The following SEPTIN11 variants were observed in gnomAD, a reference collection of about 807,000 sequenced individuals.
SEPTIN11 encodes septin-11.
Under a neutral mutation model 51.4 loss-of-function variants are expected in SEPTIN11, and 25 were observed. That is an observed-to-expected ratio of 0.49 (90% CI 0.35 to 0.68). SEPTIN11 has a LOEUF of 0.68. SEPTIN11 is among the 30% of genes least tolerant of loss of function. SEPTIN11 has a pLI of 0.00. For missense variants in SEPTIN11, 381 were observed against 520.8 expected, an observed-to-expected ratio of 0.73 and a Z score of 2.61; for synonymous variants, 174 against 184.1, an observed-to-expected ratio of 0.95 and a Z score of 0.44.
chr4:76,964,547 C>T (rs888139008), intron 1 of SEPTIN11, among the ~76,000 whole-genome samples: 4 of 152,164 alleles, frequency 2.6e-5, no homozygotes, highest in Admixed American at 2.0e-4. Flanking sequence ...GATCTTCAAA[C>T]GTATCTGTGA....
chr4:76,957,105 TC>T (rs1721597620), intron 1 of SEPTIN11, among the ~76,000 whole-genome samples: 1 of 151,894 alleles, frequency 6.6e-6, no homozygotes, highest in Non-Finnish European at 1.5e-5. Context: ...TCCAGGGACA[TC>T]ACCATCAAGT....
downstream of SEPTIN11, chr4:77,040,144 C>T (rs1052314602): frequency 6.6e-6 from 1 of 152,098 alleles, no homozygotes; most frequent in Admixed American, 6.5e-5. Flanking sequence ...TTTAAAGATA[C>T]CTTAAAATAA....
At chr4:77,019,978 A>C (rs1298572111) in intron 6 of SEPTIN11, among the ~76,000 whole-genome samples, 1 of 152,182 alleles carries the variant, frequency 6.6e-6, no homozygotes, top group Non-Finnish European at 1.5e-5. Flanking sequence ...ACTCTTACTA[A>C]TTTCTCTACA....
At chr4:76,969,760 A>G (rs1722167545) in intron 1 of SEPTIN11, among the ~76,000 whole-genome samples, 1 of 152,188 alleles carries the variant, frequency 6.6e-6, no homozygotes, top group Admixed American at 6.5e-5. Context: ...ATTTTTCTCT[A>G]CTACTTTAAA....
At chr4:77,009,822 A>C (rs1455141713) in intron 3 of SEPTIN11, 2 of 152,188 alleles carry the variant, frequency 1.3e-5, no homozygotes, top group African/African-American at 4.8e-5. Flanking sequence ...CTGCTGGGGA[A>C]GAGCCCTAAT....
chr4:77,003,085 C>G (rs1724231939), intron 2 of SEPTIN11, among the ~76,000 whole-genome samples: 1 of 152,178 alleles, frequency 6.6e-6, no homozygotes, highest in Non-Finnish European at 1.5e-5. Flanking sequence ...ATGGTTTCTG[C>G]TTACTTACCT....
At chr4:76,965,230 C>T (rs1243876245) in intron 1 of SEPTIN11, among the ~76,000 whole-genome samples, 3 of 152,096 alleles carry the variant, frequency 2.0e-5, no homozygotes, top group African/African-American at 4.8e-5. Context: ...GCAGGCGGAT[C>T]ACCTGAGGTC....
In SEPTIN11 at chr4:77,016,633, C is replaced by CATATATATATATAT. The variant is rs1234653472; in HGVS notation, c.687+1626_687+1639dup. On this transcript the variant is annotated intron_variant, in intron 5 of 9. Transcript: ENST00000264893. ...ATATACACATATATATATATATACA[C>CATATATATATATAT]ATATATATATATATATATATATACA... Among the ~76,000 whole-genome samples the CATATATATATATAT allele has an allele frequency of 5.5e-3, 397 of 72,688 alleles. 18 individuals carry two copies. Among genetic ancestry groups the CATATATATATATAT allele is most frequent in the Non-Finnish European group, 7.0e-3 (259 of 36,988 alleles). The allele number at this position is 72,688 out of a possible 152,430, so 47.7% of individuals were successfully genotyped here.
intron 3 of SEPTIN11, among the ~76,000 whole-genome samples, chr4:77,007,829 TC>T (rs1310634840): frequency 6.6e-6 from 1 of 152,246 alleles, no homozygotes; most frequent in Non-Finnish European, 1.5e-5. Context: ...AATTACTTGT[TC>T]ACAAATTGTT....
At chr4:76,965,377 G>A (rs1393646255) in intron 1 of SEPTIN11, among the ~76,000 whole-genome samples, 2 of 151,250 alleles carry the variant, frequency 1.3e-5, no homozygotes, top group African/African-American at 4.9e-5. Flanking sequence ...CTTGAACCTC[G>A]GAGGCAGAGG....
intron 1 of SEPTIN11, among the ~76,000 whole-genome samples, chr4:76,952,438 A>C (rs1721389568): frequency 6.6e-6 from 1 of 152,206 alleles, no homozygotes; most frequent in South Asian, 2.1e-4. Flanking sequence ...AGAAAAATGC[A>C]ATCTGAATAA....
chr4:77,029,802 A>G lies in SEPTIN11; in HGVS notation c.1087-981A>G, dbSNP rs1402730484. Among the ~76,000 whole-genome samples the G allele has an allele frequency of 3.9e-5, 6 of 152,112 alleles. No homozygotes were observed. In the East Asian group the frequency reaches 7.7e-4, roughly 20 times the overall value. On this transcript the variant is annotated intron_variant, in intron 8 of 9. Coordinates refer to ENST00000264893, the MANE Select transcript of SEPTIN11 (RefSeq NM_018243.4). ...CACACATATATATACACACACATATACACACATATATACATACACATATAT... is the reference window on the plus strand; with the variant it reads ...CACACATATATATACACACACATATGCACACATATATACATACACATATAT...
intron 1 of SEPTIN11, among the ~76,000 whole-genome samples, chr4:76,989,963 T>C (rs1458619253): frequency 6.6e-6 from 1 of 152,180 alleles, no homozygotes; most frequent in Non-Finnish European, 1.5e-5. Flanking sequence ...GTTGCAGCTC[T>C]TAAAGGTGGC....
intron 1 of SEPTIN11, among the ~76,000 whole-genome samples, chr4:76,994,923 T>C (rs79483189): frequency 1.4e-5 from 2 of 147,944 alleles, no homozygotes. Context: ...TTTTTTTTTT[T>C]TTTTTAAATA....
At chr4:77,021,890 T>C (rs1353669794) in intron 7 of SEPTIN11, among the ~76,000 whole-genome samples, 9 of 152,210 alleles carry the variant, frequency 5.9e-5, no homozygotes, top group African/African-American at 2.2e-4. Context: ...CATGTGTGTA[T>C]GCAGTGAGAA....
intron 1 of SEPTIN11, among the ~76,000 whole-genome samples, chr4:76,953,060 C>G (rs1721411701): frequency 6.6e-6 from 1 of 152,122 alleles, no homozygotes; most frequent in Admixed American, 6.5e-5. Flanking sequence ...TTACTTTATC[C>G]CTAACAAAAA....
Position 77,036,125 on chromosome 4 carries a change from C to T in SEPTIN11, c.*1613C>T. ...TTAGAGGAAAGAAGGAATGGTCTTC[C>T]ATGAACTGATTATGCTTAATTAAGC... On this transcript the variant is annotated 3_prime_UTR_variant, in exon 10 of 10. Coordinates refer to ENST00000264893, the MANE Select transcript of SEPTIN11 (RefSeq NM_018243.4). 1.0e-6 allele frequency: 1 copy of T among 986,694 alleles called. No individual in the cohort carries two copies. Among genetic ancestry groups the T allele is most frequent in the Non-Finnish European group, 1.2e-6 (1 of 830,620 alleles). 61.1% of individuals were successfully genotyped at this position (986,694 alleles called of 1,614,324 possible).
chr4:76,963,118 G>A, intron 1 of SEPTIN11, among the ~76,000 whole-genome samples: 1 of 152,302 alleles, frequency 6.6e-6, no homozygotes, highest in African/African-American at 2.4e-5. Flanking sequence ...TTCCAATAAA[G>A]AGAGTGGGAG....
intron 5 of SEPTIN11, 83 bp downstream of exon 5, chr4:77,015,100 G>A (rs1325077984): frequency 7.4e-7 from 1 of 1,353,198 alleles, no homozygotes; most frequent in Non-Finnish European, 1.0e-6. Flanking sequence ...CTGGAGCACT[G>A]GACTGACTAG....
Sources: gnomAD v4.1 joint callset for allele counts (sites outside exome capture counted in the v4.1 genomes callset) on GRCh38, gnomAD v4.1.1 for gene constraint, MANE v1.5 for transcripts, NCBI Gene and HGNC (gene_info 2026-07-23, HGNC 2026-07-21) for gene names.